The following CDKAL1 variants were observed in gnomAD, a reference collection of about 807,000 sequenced individuals.
CDKAL1 encodes CDKAL1 threonylcarbamoyladenosine tRNA methylthiotransferase.
In CDKAL1, 32 loss-of-function variants were observed where a neutral mutation model predicts 68.2. The ratio of observed to expected loss-of-function variants is 0.47; its 90% CI spans 0.35 to 0.63. CDKAL1 has a LOEUF of 0.63. Ranked by LOEUF, CDKAL1 falls within the 30% of genes least tolerant of loss-of-function variation. CDKAL1 has a pLI of 0.00. For synonymous variants in CDKAL1, 234 were observed against 244.3 expected (o/e 0.96, Z 0.39); for missense variants, 606 against 696.7 (o/e 0.87, Z 1.47).
chr6:21,069,702 T>TGTATAGAA (rs1214758846), intron 12 of CDKAL1, among the ~76,000 whole-genome samples: 1 of 151,646 alleles, frequency 6.6e-6, no homozygotes, highest in Non-Finnish European at 1.5e-5. Context: ...TGGAAGAGTT[T>TGTATAGAA]GTATAGAAGT....
chr6:20,716,288 C>A (rs1377402435), intron 5 of CDKAL1, among the ~76,000 whole-genome samples: 3 of 152,078 alleles, frequency 2.0e-5, no homozygotes, highest in African/African-American at 4.8e-5. Context: ...CAAATGGGGC[C>A]TATTTTATAT....
At chr6:20,644,573 A>G (rs1008445092) in intron 4 of CDKAL1, among the ~76,000 whole-genome samples, 2 of 152,128 alleles carry the variant, frequency 1.3e-5, no homozygotes, top group African/African-American at 2.4e-5. Flanking sequence ...CCAGCTACTC[A>G]GGAGGCTGAG....
At chr6:21,024,472 A>G (rs1582049404) in intron 11 of CDKAL1, among the ~76,000 whole-genome samples, 1 of 151,846 alleles carries the variant, frequency 6.6e-6, no homozygotes, top group Non-Finnish European at 1.5e-5. Context: ...ATGTAGTGAA[A>G]CCCCATCTCT....
At chr6:20,798,988 A>G (rs1335420685) in intron 8 of CDKAL1, among the ~76,000 whole-genome samples, 1 of 145,652 alleles carries the variant, frequency 6.9e-6, no homozygotes. Flanking sequence ...GAACAAAGTC[A>G]TCTGGACTGA....
rs1763227528 is a variant in CDKAL1 at position 20,927,210 on chromosome 6, G to A, written c.743-28209G>A. Among the ~76,000 whole-genome samples, 5 of 152,096 alleles carry A rather than the reference G, an allele frequency of 3.3e-5. No individual in the cohort carries two copies. In the South Asian group the frequency reaches 1.0e-3, roughly 32 times the overall value. ...ATTAAATATTTATGGCAGTCTTTGG[G>A]AAGAATACATTAAAATAGCAGATGG... On this transcript the variant is annotated intron_variant, in intron 9 of 15. Transcript: ENST00000274695.
intron 10 of CDKAL1, among the ~76,000 whole-genome samples, chr6:20,995,516 A>G (rs1316803047): frequency 3.3e-5 from 5 of 152,210 alleles, no homozygotes; most frequent in Non-Finnish European, 7.3e-5. Flanking sequence ...CATCCCCATC[A>G]GATCTCTTAG....
In CDKAL1 at chr6:20,981,463, G is replaced by A. The variant is rs528904668; in HGVS notation, c.910-18764G>A. Among the ~76,000 whole-genome samples the A allele has an allele frequency of 3.1e-4, 47 of 152,288 alleles. 1 individual carries two copies. In the South Asian group the frequency reaches 9.6e-3, roughly 31 times the overall value. On this transcript the variant is annotated intron_variant, in intron 10 of 15. Coordinates refer to ENST00000274695, the MANE Select transcript of CDKAL1 (RefSeq NM_017774.3). ...TGCAAAATAATTCCCAGTTTTCTCT[G>A]ATGAATCGTGCCCATTAGTGAATTC...
intron 9 of CDKAL1, among the ~76,000 whole-genome samples, chr6:20,904,542 C>T (rs1427212285): frequency 6.6e-6 from 1 of 152,038 alleles, no homozygotes; most frequent in African/African-American, 2.4e-5. Flanking sequence ...GTAATCCCAG[C>T]ACTTTGGGAG....
chr6:20,551,390 C>T (rs1212058907), intron 4 of CDKAL1, among the ~76,000 whole-genome samples: 3 of 145,446 alleles, frequency 2.1e-5, no homozygotes, highest in South Asian at 2.1e-4. Flanking sequence ...TTTTTTGAGA[C>T]GGAGTCTCGC....
chr6:20,943,706 A>T (rs1181332504), intron 9 of CDKAL1, among the ~76,000 whole-genome samples: 6 of 151,884 alleles, frequency 4.0e-5, no homozygotes, highest in African/African-American at 1.4e-4. Context: ...CCACATGTAC[A>T]ATAGCTGGTT....
At chr6:20,821,526 C>G (rs1777278295) in intron 8 of CDKAL1, among the ~76,000 whole-genome samples, 1 of 152,158 alleles carries the variant, frequency 6.6e-6, no homozygotes, top group South Asian at 2.1e-4. Context: ...TGTGTGGTAT[C>G]ATTTGCTTAT....
In CDKAL1 at chr6:21,108,398, C is replaced by A. The variant is rs755752464; in HGVS notation, c.1237-3C>A. ...TTTTTGTTTTTTTTGTTTTTTTTCA[C>A]AGAAAAAGCAAAGGACAAAAGATCT... On this transcript the variant is annotated splice_region_variant and splice_polypyrimidine_tract_variant and intron_variant, in intron 12 of 15. Transcript: ENST00000274695. The A allele has an allele frequency of 5.0e-6, 8 of 1,594,870 alleles. No homozygotes were observed. Among genetic ancestry groups the A allele is most frequent in the Non-Finnish European group, 6.8e-6 (8 of 1,172,140 alleles).
chr6:20,880,604 A>G (rs1760762336), intron 9 of CDKAL1, among the ~76,000 whole-genome samples: 1 of 152,088 alleles, frequency 6.6e-6, no homozygotes. Flanking sequence ...TATAAGTAAA[A>G]TGCCACCATA....
chr6:20,997,351 AT>A (rs1212601795), intron 10 of CDKAL1, among the ~76,000 whole-genome samples: 1 of 152,200 alleles, frequency 6.6e-6, no homozygotes, highest in Non-Finnish European at 1.5e-5. Context: ...CAAAAAATAC[AT>A]ACTTTGTCTC....
At position 21,188,501 on chromosome 6, in the gene CDKAL1, G is replaced by A. The variant is rs1372374332; in HGVS notation, c.1300-9520G>A. ...CCAGTGGGAATAGATCAAGAGGGTGGAAGTGAACGGAAATTCTGTTCAATT... is the reference window on the plus strand; with the variant it reads ...CCAGTGGGAATAGATCAAGAGGGTGAAAGTGAACGGAAATTCTGTTCAATT... On this transcript the variant is annotated intron_variant, in intron 13 of 15. Coordinates refer to ENST00000274695, the MANE Select transcript of CDKAL1 (RefSeq NM_017774.3). Among the ~76,000 whole-genome samples, 5 of 152,200 alleles carry A rather than the reference G, an allele frequency of 3.3e-5. No homozygotes were observed. The South Asian group carries it at 8.3e-4, about 25-fold the overall frequency.
chr6:20,600,032 A>G (rs1246638613), intron 4 of CDKAL1, among the ~76,000 whole-genome samples: 1 of 152,172 alleles, frequency 6.6e-6, no homozygotes, highest in Non-Finnish European at 1.5e-5. Context: ...CTATGTGAAT[A>G]TCATGCTTGG....
intron 8 of CDKAL1, among the ~76,000 whole-genome samples, chr6:20,816,132 CCTT>C (rs1417440194): frequency 1.4e-4 from 5 of 35,124 alleles, no homozygotes; most frequent in African/African-American, 2.4e-4. Flanking sequence ...CCCCCCCCCG[CCTT>C]TTTTTTTTAA....
intron 15 of CDKAL1, among the ~76,000 whole-genome samples, chr6:21,226,099 G>A (rs780574877): frequency 2.0e-5 from 3 of 152,134 alleles, no homozygotes; most frequent in South Asian, 2.1e-4. Flanking sequence ...TCCTAGAACC[G>A]GTTCCATCTG....
At chr6:20,862,257 G>A (rs990599601) in intron 9 of CDKAL1, among the ~76,000 whole-genome samples, 23 of 152,316 alleles carry the variant, frequency 1.5e-4, no homozygotes, top group Admixed American at 6.5e-4. Flanking sequence ...TAGCATGTAA[G>A]CCGTTATATC....
Sources: allele counts gnomAD v4.1 joint callset (sites outside exome capture counted in the v4.1 genomes callset), GRCh38; gene constraint gnomAD v4.1.1; transcripts MANE v1.5; gene names NCBI Gene and HGNC (gene_info 2026-07-23, HGNC 2026-07-21).